The following RBFOX1 variants were observed in gnomAD, a reference collection of about 807,000 sequenced individuals.
RBFOX1 encodes the protein RNA binding fox-1 homolog 1.
A neutral mutation model predicts 57.7 loss-of-function variants in RBFOX1; 8 were observed. That is an observed-to-expected ratio of 0.14 (90% confidence interval 0.08 to 0.25). The LOEUF is 0.25. Ranked by LOEUF, RBFOX1 falls within the 10% of genes least tolerant of loss-of-function variation. The pLI is 1.00. For synonymous variants in RBFOX1, 326 were observed against 222.4 expected (o/e 1.47, Z -4.15); for missense variants, 611 against 548.5 (o/e 1.11, Z -1.14).
intron 3 of RBFOX1, among the ~76,000 whole-genome samples, chr16:6,863,990 T>A (rs139729250): frequency 2.1e-5 from 1 of 46,824 alleles, no homozygotes; most frequent in African/African-American, 6.7e-5. Flanking sequence ...TTTATGTTCC[T>A]TTTTTTTTTT....
intron 4 of RBFOX1, among the ~76,000 whole-genome samples, chr16:7,216,068 A>G (rs949161823): frequency 6.6e-6 from 1 of 151,900 alleles, no homozygotes; most frequent in African/African-American, 2.4e-5. Flanking sequence ...GTTCTTTTGT[A>G]TTTGCCTTCT....
intron 3 of RBFOX1, among the ~76,000 whole-genome samples, chr16:6,818,840 C>G (rs955841896): frequency 6.6e-6 from 1 of 152,128 alleles, no homozygotes; most frequent in African/African-American, 2.4e-5. Flanking sequence ...GCATATCGCC[C>G]AACTCAGTCC....
At chr16:7,237,142 A>C (rs1006519376) in intron 4 of RBFOX1, among the ~76,000 whole-genome samples, 3 of 152,180 alleles carry the variant, frequency 2.0e-5, no homozygotes, top group African/African-American at 7.2e-5. Context: ...CCGCCAACCC[A>C]AATGTCATTG....
In RBFOX1 at chr16:6,570,585, T is replaced by A. The variant is rs116567787; in HGVS notation, c.-63-84018T>A. On this transcript the variant is annotated intron_variant, in intron 2 of 15. Transcript: ENST00000550418. ...GAAAAAATAAAGATCAAGAGCATGTTTTATTGTTTATCTGTATCTCTAGCT... is the reference window on the plus strand; with the variant it reads ...GAAAAAATAAAGATCAAGAGCATGTATTATTGTTTATCTGTATCTCTAGCT... Among the ~76,000 whole-genome samples, 1,194 of 152,256 alleles carry A rather than the reference T, an allele frequency of 7.8e-3. 16 individuals carry two copies. The highest frequency in any genetic ancestry group is 0.031 in the South Asian group (149 of 4,818).
intron 3 of RBFOX1, among the ~76,000 whole-genome samples, chr16:6,816,738 A>AG (rs2090160477): frequency 8.7e-6 from 1 of 115,210 alleles, no homozygotes; most frequent in African/African-American, 4.2e-5. Context: ...AGACTGTCTC[A>AG]AAAAAAAAAA....
At chr16:7,502,209 T>C (rs561114336) in intron 4 of RBFOX1, among the ~76,000 whole-genome samples, 1 of 152,232 alleles carries the variant, frequency 6.6e-6, no homozygotes, top group African/African-American at 2.4e-5. Context: ...TAGACATCTT[T>C]CTACAAGTGA....
At chr16:5,261,756 T>A (rs1477377818) in intron 1 of RBFOX1, among the ~76,000 whole-genome samples, 1 of 152,138 alleles carries the variant, frequency 6.6e-6, no homozygotes, top group East Asian at 1.9e-4. Context: ...TTCACCGTGT[T>A]AGCCAGGATG....
chr16:6,782,257 G>T (rs1171461827), intron 3 of RBFOX1, among the ~76,000 whole-genome samples: 1 of 152,016 alleles, frequency 6.6e-6, no homozygotes, highest in South Asian at 2.1e-4. Context: ...TGCCCACCTC[G>T]GGCTCCCAAA....
chr16:5,700,386 G>C (rs1434109881), intron 3 of RBFOX1, among the ~76,000 whole-genome samples: 1 of 151,972 alleles, frequency 6.6e-6, no homozygotes, highest in South Asian at 2.1e-4. Flanking sequence ...TGGAATCATA[G>C]CAGGTGGATC....
rs200883639 is a variant in RBFOX1, at chr16:5,562,503, G to GA, written c.259-36399_259-36398insA. 1.6e-3 allele frequency among the ~76,000 whole-genome samples: 149 copies of GA among 93,314 alleles called. 1 individual carries two copies. The Middle Eastern group carries it at 0.025, about 15-fold the overall frequency. The allele number at this position is 93,314 out of a possible 152,430, so 61.2% of individuals were successfully genotyped here. On this transcript the variant is annotated intron_variant, in intron 2 of 2. Transcript: ENST00000585867. The stretch of plus-strand genomic sequence containing the variant: ...TTCTCCAGGGCCAGGAGGAGAAGAA[G>GA]GGGGAGGACCTGGGGGAGACAGGAA...
intron 3 of RBFOX1, among the ~76,000 whole-genome samples, chr16:6,881,805 A>T (rs1209420968): frequency 6.6e-6 from 1 of 152,088 alleles, no homozygotes; most frequent in Non-Finnish European, 1.5e-5. Context: ...CAACCTACAT[A>T]CTGGGTACTT....
intron 3 of RBFOX1, among the ~76,000 whole-genome samples, chr16:6,964,470 A>G (rs1467597252): frequency 6.6e-6 from 1 of 152,134 alleles, no homozygotes; most frequent in Non-Finnish European, 1.5e-5. Flanking sequence ...GTGATGTGTC[A>G]GTGTATATGG....
At chr16:7,033,802 T>C (rs2043463751) in intron 3 of RBFOX1, among the ~76,000 whole-genome samples, 2 of 152,100 alleles carry the variant, frequency 1.3e-5, no homozygotes, top group South Asian at 4.2e-4. Context: ...ACCTCATCTC[T>C]ACTAAAAATA....
chr16:5,822,707 C>T (rs558558685), intron 3 of RBFOX1, among the ~76,000 whole-genome samples: 3 of 152,296 alleles, frequency 2.0e-5, no homozygotes, highest in Admixed American at 2.0e-4. Flanking sequence ...GTTTCCAACC[C>T]ATGGCCTGGA....
chr16:6,780,317 T>TATATATATTTATACATATATATTTATA lies in RBFOX1; in HGVS notation c.-16+125667_-16+125668insATATATATTTATACATATATATTTATA, dbSNP rs1567215854. ...TATATTTATACATATATATATTTAT[T>TATATATATTTATACATATATATTTATA]CATATTTATATATATTTATACATAT... On this transcript the variant is annotated intron_variant, in intron 3 of 15. Coordinates refer to ENST00000550418, the MANE Select transcript of RBFOX1 (RefSeq NM_018723.4). 1.2e-4 allele frequency among the ~76,000 whole-genome samples: 9 copies of TATATATATTTATACATATATATTTATA among 77,138 alleles called. 1 individual carries two copies. Among genetic ancestry groups the TATATATATTTATACATATATATTTATA allele is most frequent in the African/African-American group, 3.2e-4 (5 of 15,560 alleles). The allele number at this position is 77,138 out of a possible 152,430, so 50.6% of individuals were successfully genotyped here. A position where few individuals can be genotyped will look rare whatever the true frequency, so the allele number is the denominator to read the frequency against.
chr16:5,660,251 C>T (rs900174159), intron 3 of RBFOX1, among the ~76,000 whole-genome samples: 12 of 152,062 alleles, frequency 7.9e-5, no homozygotes, highest in Non-Finnish European at 1.5e-5. Context: ...CTCAAGCGCC[C>T]CAGTGAGAGA....
rs544394151 is a variant in RBFOX1 at position 7,627,209 on chromosome 16, T to C, written c.677-3394T>C. On this transcript the variant is annotated intron_variant, in intron 10 of 15. Transcript: ENST00000550418. ...TGACAAAAAAAAAAAAAAAGTCAAT[T>C]TGAAATGGTTTAATCTAACTCTAAG... 2.1e-4 allele frequency among the ~76,000 whole-genome samples: 32 copies of C among 149,930 alleles called. No individual in the cohort carries two copies. In the East Asian group the frequency reaches 4.9e-3, roughly 23 times the overall value.
At chr16:7,030,496 C>G (rs974963228) in intron 3 of RBFOX1, among the ~76,000 whole-genome samples, 1 of 152,202 alleles carries the variant, frequency 6.6e-6, no homozygotes, top group Non-Finnish European at 1.5e-5. Flanking sequence ...CTCCCACCTT[C>G]CAGTGGCTCC....
At chr16:5,700,060 C>T (rs1403272062) in intron 3 of RBFOX1, among the ~76,000 whole-genome samples, 1 of 152,140 alleles carries the variant, frequency 6.6e-6, no homozygotes, top group African/African-American at 2.4e-5. Flanking sequence ...TTTCGATCTC[C>T]TGACCTCATG....
Sources: gnomAD v4.1 joint callset for allele counts (sites outside exome capture counted in the v4.1 genomes callset) on GRCh38, gnomAD v4.1.1 for gene constraint, MANE v1.5 for transcripts, NCBI Gene and HGNC (gene_info 2026-07-23, HGNC 2026-07-21) for gene names.